Variants in RAB27A observed in about 807,000 individuals in gnomAD.
RAB27A encodes the protein RAB27A, member RAS oncogene family, also known as ras-related protein Rab-27A.
In RAB27A, 17 loss-of-function variants were observed where a neutral mutation model predicts 20.8. The ratio of observed to expected loss-of-function variants is 0.82; its 90% CI spans 0.56 to 1.23. RAB27A has a LOEUF of 1.23. Ranked by LOEUF, RAB27A falls within the 50% of genes most tolerant of loss-of-function variation. The pLI is 0.00. For synonymous variants in RAB27A, 85 were observed against 92.8 expected (o/e 0.92, Z 0.48); for missense variants, 277 against 266.7 (o/e 1.04, Z -0.27).
chr15:55,267,154 T>C (rs946918413), intron 2 of RAB27A, among the ~76,000 whole-genome samples: 4 of 152,116 alleles, frequency 2.6e-5, no homozygotes, highest in Non-Finnish European at 5.9e-5. Context: ...AAATGGCAAA[T>C]CCATTCACTG....
intron 1 of RAB27A, among the ~76,000 whole-genome samples, chr15:55,282,477 G>GT (rs1340344164): frequency 3.9e-5 from 6 of 152,182 alleles, no homozygotes; most frequent in African/African-American, 1.4e-4. Context: ...TCAGGGTGAG[G>GT]TTTTTTGTTA....
At chr15:55,209,913 T>TACACACATATGTGTGTATATATAC (rs1491472346) in intron 6 of RAB27A, among the ~76,000 whole-genome samples, 8 of 82,628 alleles carry the variant, frequency 9.7e-5, no homozygotes, top group African/African-American at 8.3e-4. Flanking sequence ...TGTGTGTGTA[T>TACACACATATGTGTGTATATATAC]GTATATACAC....
At chr15:55,240,652 A>G (rs1359481818) in intron 2 of RAB27A, among the ~76,000 whole-genome samples, 1 of 152,200 alleles carries the variant, frequency 6.6e-6, no homozygotes, top group African/African-American at 2.4e-5. Context: ...TCTACAACCA[A>G]GCCACCTGTA....
chr15:55,270,175 T>C lies in RAB27A; in HGVS notation c.-33A>G, dbSNP rs552716430. 13 of 151,488 alleles carry C rather than the reference T, an allele frequency of 8.6e-5. No homozygotes were observed. The highest frequency in any genetic ancestry group is 1.3e-4 in the Non-Finnish European group (9 of 67,852). 9.4% of individuals were successfully genotyped at this position (151,488 alleles called of 1,614,324 possible). A position where few individuals can be genotyped will look rare whatever the true frequency, so the allele number is the denominator to read the frequency against. ...AATACAAAACCATACCTTTACAGGG[T>C]AGAGAACCGCTTGTTATGATTTTCT... On this transcript the variant is annotated 5_prime_UTR_variant, in exon 2 of 7. Coordinates refer to ENST00000336787, the MANE Select transcript of RAB27A (RefSeq NM_183235.3).
In RAB27A at chr15:55,287,199, C is replaced by T. The variant is rs189771064; in HGVS notation, c.-143+2517G>A. ...CCTCCCAAAGTGCTGCGATTACAGG[C>T]GTGAGCCACCGCACCCGGCCTGCTG... On this transcript the variant is annotated intron_variant, in intron 1 of 6. Transcript: ENST00000336787. 5.8e-4 allele frequency among the ~76,000 whole-genome samples: 88 copies of T among 151,618 alleles called. 1 individual carries two copies. In the East Asian group the frequency reaches 0.015, roughly 26 times the overall value.
In RAB27A at chr15:55,205,402, C is replaced by T; in HGVS notation, c.*105G>A. 8.3e-7 allele frequency: 1 copy of T among 1,204,828 alleles called. No individual in the cohort carries two copies. Among genetic ancestry groups the T allele is most frequent in the Non-Finnish European group, 1.2e-6 (1 of 809,784 alleles). 74.6% of individuals were successfully genotyped at this position (1,204,828 alleles called of 1,614,324 possible). A position where few individuals can be genotyped will look rare whatever the true frequency, so the allele number is the denominator to read the frequency against. ...TAGGTCTAATGGGGATGGTGAGAAGCAATTTGTACACAATGCCCATTAATC... is the reference window on the plus strand; with the variant it reads ...TAGGTCTAATGGGGATGGTGAGAAGTAATTTGTACACAATGCCCATTAATC... On this transcript the variant is annotated 3_prime_UTR_variant, in exon 7 of 7. Coordinates refer to ENST00000336787, the MANE Select transcript of RAB27A (RefSeq NM_183235.3).
At chr15:55,308,079 G>A (rs965941984) in intron 2 of RAB27A, among the ~76,000 whole-genome samples, 1 of 152,124 alleles carries the variant, frequency 6.6e-6, no homozygotes, top group Non-Finnish European at 1.5e-5. Flanking sequence ...TGGTTTCCCG[G>A]AGGGGATTAC....
At chr15:55,304,112 G>A (rs1331483147) in intron 2 of RAB27A, among the ~76,000 whole-genome samples, 1 of 152,244 alleles carries the variant, frequency 6.6e-6, no homozygotes, top group Non-Finnish European at 1.5e-5. Flanking sequence ...ATTTTGTTCT[G>A]CACTAAGAAA....
At chr15:55,312,257 C>T (rs1024951150) in intron 2 of RAB27A, among the ~76,000 whole-genome samples, 5 of 152,094 alleles carry the variant, frequency 3.3e-5, no homozygotes, top group South Asian at 2.1e-4. Flanking sequence ...CAGGGGTGGA[C>T]GGCGAGCAAA....
At chr15:55,264,321 G>T (rs561433292) in intron 2 of RAB27A, among the ~76,000 whole-genome samples, 1 of 152,288 alleles carries the variant, frequency 6.6e-6, no homozygotes, top group Non-Finnish European at 1.5e-5. Context: ...AAAGTACTGG[G>T]ATTACTTTGG....
chr15:55,297,276 G>A (rs78525288), intron 2 of RAB27A, among the ~76,000 whole-genome samples: 9 of 152,314 alleles, frequency 5.9e-5, no homozygotes, highest in South Asian at 2.1e-4. Context: ...AAAGAAATAC[G>A]TGCATGTGTG....
upstream of RAB27A, among the ~76,000 whole-genome samples, chr15:55,291,173 C>T (rs994622372): frequency 6.6e-6 from 1 of 152,182 alleles, no homozygotes; most frequent in African/African-American, 2.4e-5. Flanking sequence ...ACTTCAAGAG[C>T]TCTTCCCGTG....
intron 5 of RAB27A, among the ~76,000 whole-genome samples, chr15:55,225,788 C>T (rs1467146738): frequency 6.6e-6 from 1 of 152,152 alleles, no homozygotes; most frequent in Non-Finnish European, 1.5e-5. Flanking sequence ...ATTTTAAAAA[C>T]TTCACTAAGA....
intron 2 of RAB27A, among the ~76,000 whole-genome samples, chr15:55,296,223 G>A (rs1282400527): frequency 6.6e-6 from 1 of 151,324 alleles, no homozygotes; most frequent in South Asian, 2.1e-4. Context: ...AACTTGGTGT[G>A]GGGCCTGACG....
chr15:55,235,774 A>G (rs1186716484), intron 2 of RAB27A, among the ~76,000 whole-genome samples: 1 of 152,114 alleles, frequency 6.6e-6, no homozygotes, highest in Non-Finnish European at 1.5e-5. Context: ...AAATTGTGGT[A>G]CACCACAATT....
At chr15:55,266,155 T>C (rs1595733176) in intron 2 of RAB27A, among the ~76,000 whole-genome samples, 1 of 152,212 alleles carries the variant, frequency 6.6e-6, no homozygotes, top group Non-Finnish European at 1.5e-5. Context: ...TGAGGATAGA[T>C]CCTTCATGAA....
chr15:55,304,138 G>A (rs976242266), intron 2 of RAB27A, among the ~76,000 whole-genome samples: 10 of 152,132 alleles, frequency 6.6e-5, no homozygotes, highest in African/African-American at 2.2e-4. Flanking sequence ...CTCTGCCTTG[G>A]GATCCTGTTG....
chr15:55,223,666 G>C (rs1813745572), intron 6 of RAB27A, among the ~76,000 whole-genome samples: 1 of 152,180 alleles, frequency 6.6e-6, no homozygotes, highest in African/African-American at 2.4e-5. Context: ...CAAATGCCAA[G>C]AGTTTGAGAA....
At chr15:55,242,741 A>G (rs187770149) in intron 2 of RAB27A, among the ~76,000 whole-genome samples, 260 of 152,280 alleles carry the variant, frequency 1.7e-3, no homozygotes, top group Middle Eastern at 3.4e-3. Flanking sequence ...AATGAGTTGT[A>G]TCTGGGTGAT....
Sources: allele counts gnomAD v4.1 joint callset (sites outside exome capture counted in the v4.1 genomes callset), GRCh38; gene constraint gnomAD v4.1.1; transcripts MANE v1.5; gene names NCBI Gene and HGNC (gene_info 2026-07-23, HGNC 2026-07-21).